Variants in ALG9 observed in about 807,000 individuals in gnomAD.
ALG9 encodes alpha-1,2-mannosyltransferase ALG9.
ALG9 carries 55 observed loss-of-function variants against 81.8 expected under a neutral mutation model. The ratio of observed to expected loss-of-function variants is 0.67; its 90% CI spans 0.54 to 0.84. The LOEUF (loss-of-function observed/expected upper bound fraction) is 0.84. Ranked by LOEUF, ALG9 falls within the 40% of genes least tolerant of loss-of-function variation. ALG9 has a pLI of 0.00. For synonymous variants in ALG9, 278 were observed against 274.3 expected, an observed-to-expected ratio of 1.01 and a Z score of -0.13; for missense variants, 629 against 745.0, an observed-to-expected ratio of 0.84 and a Z score of 1.81.
chr11:111,863,087 C>T (rs965641388), intron 4 of ALG9, among the ~76,000 whole-genome samples: 10 of 152,122 alleles, frequency 6.6e-5, no homozygotes, highest in African/African-American at 2.2e-4. Context: ...AAAATAAATT[C>T]TCGGCTGGGC....
At chr11:111,812,430 G>A (rs1950863579) in intron 13 of ALG9, among the ~76,000 whole-genome samples, 1 of 152,194 alleles carries the variant, frequency 6.6e-6, no homozygotes, top group Non-Finnish European at 1.5e-5. Flanking sequence ...AGCCGGGCAT[G>A]GTGGTATGTA....
chr11:111,843,656 T>C (rs1184456757), intron 9 of ALG9, among the ~76,000 whole-genome samples: 2 of 152,222 alleles, frequency 1.3e-5, no homozygotes, highest in African/African-American at 4.8e-5. Context: ...TATGAATTTC[T>C]GTTCAAATCT....
intron 3 of ALG9, 57 bp downstream of exon 3, chr11:111,868,545 T>C (rs1054912784): frequency 2.5e-6 from 4 of 1,583,228 alleles, no homozygotes; most frequent in Non-Finnish European, 3.4e-6. Context: ...CTCAAAACTA[T>C]ACCAGAGACT....
intron 14 of ALG9, among the ~76,000 whole-genome samples, chr11:111,789,745 G>A (rs1274179012): frequency 1.3e-5 from 2 of 151,468 alleles, no homozygotes; most frequent in African/African-American, 4.8e-5. Context: ...GCTTGAACCT[G>A]GGGGGTAGAA....
chr11:111,822,882 G>A (rs978993047), intron 13 of ALG9, among the ~76,000 whole-genome samples: 1 of 151,972 alleles, frequency 6.6e-6, no homozygotes, highest in Non-Finnish European at 1.5e-5. Flanking sequence ...AAATTAGCTG[G>A]GCACGGTGGC....
At chr11:111,848,590 C>CAAAAAA (rs60317912) in intron 8 of ALG9, among the ~76,000 whole-genome samples, 2 of 50,206 alleles carry the variant, frequency 4.0e-5, no homozygotes, top group Non-Finnish European at 9.8e-5. Context: ...AACTCCATCT[C>CAAAAAA]AAAAAAAAAA....
intron 13 of ALG9, among the ~76,000 whole-genome samples, chr11:111,831,280 A>T (rs1366076947): frequency 1.3e-5 from 2 of 152,068 alleles, no homozygotes; most frequent in African/African-American, 4.8e-5. Context: ...ACCTCAGGTG[A>T]TCCTCCCACC....
chr11:111,804,308 A>G (rs1311674259), intron 14 of ALG9, among the ~76,000 whole-genome samples: 3 of 152,216 alleles, frequency 2.0e-5, no homozygotes, highest in Non-Finnish European at 4.4e-5. Context: ...TTAAAATAAA[A>G]TATTTCTGCT....
intron 2 of ALG9, among the ~76,000 whole-genome samples, 177 bp downstream of exon 2, chr11:111,870,055 A>G (rs1963783834): frequency 1.3e-5 from 2 of 149,754 alleles, no homozygotes; most frequent in African/African-American, 4.9e-5. Context: ...CAGGCAATTC[A>G]CCGGCCTCAG....
At chr11:111,845,849 A>T (rs1052990211) in intron 8 of ALG9, among the ~76,000 whole-genome samples, 1 of 152,210 alleles carries the variant, frequency 6.6e-6, no homozygotes, top group Non-Finnish European at 1.5e-5. Context: ...AAGATTAGAA[A>T]CCAAACCCAT....
intron 14 of ALG9, among the ~76,000 whole-genome samples, chr11:111,798,476 C>A (rs1948628771): frequency 6.6e-6 from 1 of 152,158 alleles, no homozygotes; most frequent in Admixed American, 6.6e-5. Context: ...CACCACTGAG[C>A]TGGTGATTTA....
rs1324216311 is a variant in ALG9 at position 111,783,793 on chromosome 11, C to T, written c.*2604G>A. 1 of 152,060 alleles carries T rather than the reference C, an allele frequency of 6.6e-6. No homozygotes were observed. The highest frequency in any genetic ancestry group is 1.5e-5 in the Non-Finnish European group (1 of 68,030). 9.4% of individuals were successfully genotyped at this position (152,060 alleles called of 1,614,324 possible). ...CGTTCTGCCATGTATTGTGCTCTCA[C>T]TAAAGACATACATAGAACAGAGAGA... On this transcript the variant is annotated 3_prime_UTR_variant, in exon 15 of 15. Transcript: ENST00000616540.
chr11:111,826,145 G>C (rs934213755), intron 13 of ALG9, among the ~76,000 whole-genome samples: 5 of 149,658 alleles, frequency 3.3e-5, no homozygotes, highest in African/African-American at 1.2e-4. Context: ...CAACACTTTG[G>C]GAGGTCAAGG....
chr11:111,860,638 A>G lies in ALG9; in HGVS notation c.477-3T>C. On this transcript the variant is annotated splice_polypyrimidine_tract_variant and splice_region_variant and intron_variant, in intron 4 of 14. Coordinates refer to ENST00000616540, the MANE Select transcript of ALG9 (RefSeq NM_024740.2). ...ACCCAAACTTCTTGCACACAGCCCT[A>G]GGAAAAAGGCAAAGACTATCAGCAT... 6.2e-7 allele frequency: 1 copy of G among 1,611,408 alleles called. No homozygotes were observed. The highest frequency in any genetic ancestry group is 1.3e-5 in the African/African-American group (1 of 75,032).
intron 13 of ALG9, among the ~76,000 whole-genome samples, chr11:111,813,378 G>A (rs565142776): frequency 2.6e-5 from 4 of 152,234 alleles, no homozygotes; most frequent in African/African-American, 9.6e-5. Context: ...GAGGTGGGAG[G>A]ATCACTTGAG....
chr11:111,853,797 C>T (rs1958212458), intron 6 of ALG9, 61 bp from the exon 7 acceptor site: 17 of 1,370,652 alleles, frequency 1.2e-5, no homozygotes, highest in Non-Finnish European at 1.7e-5. Flanking sequence ...AAATCAGATT[C>T]ACACATACCT....
At chr11:111,796,726 T>G (rs1219013459) in intron 14 of ALG9, among the ~76,000 whole-genome samples, 1 of 152,088 alleles carries the variant, frequency 6.6e-6, no homozygotes, top group Non-Finnish European at 1.5e-5. Context: ...AGAATAAAAG[T>G]TGATAAATAC....
At chr11:111,869,411 TAC>T (rs145733366) in intron 2 of ALG9, among the ~76,000 whole-genome samples, 1,803 of 152,262 alleles carry the variant, frequency 0.012, 32 homozygotes, top group African/African-American at 0.041. Flanking sequence ...AATAAAAGTA[TAC>T]TATTTAGTAA....
chr11:111,824,732 C>T (rs1328297898), intron 13 of ALG9, among the ~76,000 whole-genome samples: 6 of 152,144 alleles, frequency 3.9e-5, no homozygotes, highest in East Asian at 1.9e-4. Flanking sequence ...TCTTTTTAAA[C>T]GCAAACCTTT....
Sources: allele counts gnomAD v4.1 joint callset (sites outside exome capture counted in the v4.1 genomes callset), GRCh38; gene constraint gnomAD v4.1.1; transcripts MANE v1.5; gene names NCBI Gene and HGNC (gene_info 2026-07-23, HGNC 2026-07-21).